Variants in ADCY5 observed in about 807,000 individuals in gnomAD.
ADCY5 encodes the protein adenylate cyclase type 5.
ADCY5 carries 30 observed loss-of-function variants against 119.7 expected under a neutral mutation model. That is an observed-to-expected ratio of 0.25 (90% CI 0.19 to 0.34). The LOEUF is 0.34. Among genes scored for constraint, ADCY5 ranks in the 10% least tolerant of loss-of-function variants. ADCY5 has a pLI of 1.00. For missense variants in ADCY5, 1,324 were observed against 1,775.2 expected, an observed-to-expected ratio of 0.75 and a Z score of 4.57; for synonymous variants, 753 against 762.2, an observed-to-expected ratio of 0.99 and a Z score of 0.20.
At chr3:123,289,251 T>A (rs1938980995) in intron 19 of ADCY5, among the ~76,000 whole-genome samples, 1 of 152,254 alleles carries the variant, frequency 6.6e-6, no homozygotes, top group Admixed American at 6.5e-5. Context: ...GTATTTAAAA[T>A]GTATCAAGTA....
At chr3:123,372,397 A>C (rs72626341) in intron 1 of ADCY5, among the ~76,000 whole-genome samples, 10,164 of 152,242 alleles carry the variant, frequency 0.067, 847 homozygotes, top group East Asian at 0.26. Flanking sequence ...GCAGGCTATC[A>C]GCCCACGCAT....
intron 1 of ADCY5, among the ~76,000 whole-genome samples, chr3:123,369,075 G>A (rs1449993418): frequency 6.6e-6 from 1 of 152,182 alleles, no homozygotes; most frequent in Non-Finnish European, 1.5e-5. Flanking sequence ...CAAATTCACA[G>A]GTCAATTGGA....
At chr3:123,412,863 G>T (rs960997941) in intron 1 of ADCY5, among the ~76,000 whole-genome samples, 1 of 151,630 alleles carries the variant, frequency 6.6e-6, no homozygotes, top group Non-Finnish European at 1.5e-5. Context: ...TTCAATGACT[G>T]CCCTAAATAG....
At chr3:123,362,134 T>C (rs1347751652) in intron 1 of ADCY5, among the ~76,000 whole-genome samples, 2 of 152,244 alleles carry the variant, frequency 1.3e-5, no homozygotes, top group South Asian at 2.1e-4. Flanking sequence ...TGAACATTCA[T>C]GTACAAGTTT....
intron 1 of ADCY5, among the ~76,000 whole-genome samples, chr3:123,447,184 T>A (rs1428074520): frequency 6.6e-6 from 1 of 152,196 alleles, no homozygotes; most frequent in African/African-American, 2.4e-5. Flanking sequence ...GTACACGTTA[T>A]CTAAGGGGCA....
In ADCY5 at chr3:123,388,723, G is replaced by A. The variant is rs373534642; in HGVS notation, c.1135-36142C>T. Among the ~76,000 whole-genome samples the A allele has an allele frequency of 8.5e-5, 13 of 152,332 alleles. No individual in the cohort carries two copies. In the East Asian group the frequency reaches 1.4e-3, roughly 16 times the overall value. ...AACAGCCAAAGAAAGACAAGAATGG[G>A]AGTGGGGCCAGAGCAAGCAGTGCCA... On this transcript the variant is annotated intron_variant, in intron 1 of 20. Coordinates refer to ENST00000462833, the MANE Select transcript of ADCY5 (RefSeq NM_183357.3).
rs1194116179 is a variant in ADCY5 at position 123,297,292 on chromosome 3, C to T, written c.2930+61G>A. 14 of 1,590,466 alleles carry T rather than the reference C, an allele frequency of 8.8e-6. No individual in the cohort carries two copies. The East Asian group carries it at 2.5e-4, about 28-fold the overall frequency. The stretch of plus-strand genomic sequence containing the variant: ...CCCCTCCCACCTGGGCACCAGCTGC[C>T]CTCCCTGTCTGCTCTGTGCTGAGGG... On this transcript the variant is annotated intron_variant, in intron 16 of 20. Transcript: ENST00000462833.
chr3:123,345,739 C>CAGAGAG (rs879672173), intron 3 of ADCY5, among the ~76,000 whole-genome samples: 1 of 142,426 alleles, frequency 7.0e-6, no homozygotes, highest in Admixed American at 6.9e-5. Context: ...GACAGAGAGA[C>CAGAGAG]AGACAGACAG....
chr3:123,333,380 A>G (rs551872779), intron 3 of ADCY5, among the ~76,000 whole-genome samples: 2 of 152,356 alleles, frequency 1.3e-5, no homozygotes, highest in African/African-American at 4.8e-5. Flanking sequence ...GAACAGACCA[A>G]GACAGACTTC....
chr3:123,327,980 C>T (rs1015193538), intron 6 of ADCY5, among the ~76,000 whole-genome samples: 1 of 152,222 alleles, frequency 6.6e-6, no homozygotes, highest in Non-Finnish European at 1.5e-5. Flanking sequence ...ACTGAACATC[C>T]TGGCACAGAC....
At chr3:123,446,263 G>C (rs1945810653) in intron 1 of ADCY5, among the ~76,000 whole-genome samples, 1 of 152,196 alleles carries the variant, frequency 6.6e-6, no homozygotes, top group African/African-American at 2.4e-5. Flanking sequence ...TACTCAAGAG[G>C]ATAAAAGTCT....
intron 3 of ADCY5, among the ~76,000 whole-genome samples, chr3:123,339,167 G>A (rs764897609): frequency 6.6e-5 from 10 of 152,180 alleles, no homozygotes; most frequent in Non-Finnish European, 1.3e-4. Flanking sequence ...AGGCTGAAGT[G>A]GCCACACCTC....
chr3:123,366,745 C>T (rs1390442060), intron 1 of ADCY5, among the ~76,000 whole-genome samples: 2 of 152,186 alleles, frequency 1.3e-5, no homozygotes, highest in Non-Finnish European at 2.9e-5. Flanking sequence ...GGCCTGGGAA[C>T]TTAGGTGTGA....
chr3:123,345,778 A>C (rs1942518409), intron 3 of ADCY5, among the ~76,000 whole-genome samples: 1 of 151,516 alleles, frequency 6.6e-6, no homozygotes, highest in African/African-American at 2.4e-5. Context: ...AGACACACAC[A>C]CACACACACA....
At chr3:123,365,368 C>T (rs1943395443) in intron 1 of ADCY5, among the ~76,000 whole-genome samples, 1 of 152,186 alleles carries the variant, frequency 6.6e-6, no homozygotes, top group Non-Finnish European at 1.5e-5. Flanking sequence ...ATTAAATTGA[C>T]AGCTGGAAAG....
At chr3:123,332,755 T>C (rs188924004) in intron 3 of ADCY5, 80 bp from the exon 4 acceptor site, 12 of 975,616 alleles carry the variant, frequency 1.2e-5, no homozygotes, top group Non-Finnish European at 1.8e-5. Context: ...ACATCTTTTT[T>C]TTCTTTTCTT....
chr3:123,440,262 G>A (rs563820271), intron 1 of ADCY5, among the ~76,000 whole-genome samples: 2 of 152,324 alleles, frequency 1.3e-5, no homozygotes, highest in East Asian at 3.9e-4. Context: ...TAAAGCCCAG[G>A]GAGCCCTGAA....
Position 123,304,049 on chromosome 3 carries a change from G to T in ADCY5, c.2559+18C>A. Reference sequence around the variant, plus strand: ...CAATGGGGCTGCGGAGGTGCTAGGAGGTCGTGCAGCCACCCACCATGTTGA... The same window carrying T: ...CAATGGGGCTGCGGAGGTGCTAGGATGTCGTGCAGCCACCCACCATGTTGA... On this transcript the variant is annotated intron_variant, in intron 13 of 20. Transcript: ENST00000462833. The T allele has an allele frequency of 6.5e-7, 1 of 1,542,518 alleles. No individual in the cohort carries two copies. The highest frequency in any genetic ancestry group is 9.0e-7 in the Non-Finnish European group (1 of 1,114,954).
At chr3:123,308,831 A>AAACAAACAAAC (rs11276119) in intron 12 of ADCY5, among the ~76,000 whole-genome samples, 120,750 of 151,078 alleles carry the variant, frequency 0.8, 48,550 homozygotes, top group African/African-American at 0.84. Flanking sequence ...TCTGTCTCAA[A>AAACAAACAAAC]AACAAACAAA....
Sources: gnomAD v4.1 joint callset for allele counts (sites outside exome capture counted in the v4.1 genomes callset) on GRCh38, gnomAD v4.1.1 for gene constraint, MANE v1.5 for transcripts, NCBI Gene and HGNC (gene_info 2026-07-23, HGNC 2026-07-21) for gene names.